COL5A3: variants seen among roughly 807,000 people sequenced by gnomAD.
COL5A3 encodes the protein collagen type V alpha 3 chain.
A neutral mutation model predicts 250.0 loss-of-function variants in COL5A3; 172 were observed. The observed-to-expected ratio is 0.69, with a 90% confidence interval of 0.61 to 0.78. COL5A3 has a LOEUF of 0.78. COL5A3 is among the 30% of genes least tolerant of loss of function. The pLI is 0.00. For synonymous variants in COL5A3, 937 were observed against 900.4 expected, an observed-to-expected ratio of 1.04 and a Z score of -0.73; for missense variants, 2,340 against 2,334.4, an observed-to-expected ratio of 1.00 and a Z score of -0.05.
At chr19:9,965,536 C>T (rs905902636) in intron 64 of COL5A3, among the ~76,000 whole-genome samples, 6 of 151,112 alleles carry the variant, frequency 4.0e-5, no homozygotes, top group African/African-American at 1.2e-4. Context: ...TCATTGCAAC[C>T]TCCGTCTCCC....
chr19:9,971,068 G>A, intron 52 of COL5A3, 40 bp from the exon 53 acceptor site: 5 of 1,485,984 alleles, frequency 3.4e-6, no homozygotes, highest in Non-Finnish European at 4.5e-6. Flanking sequence ...GGTGATGAGG[G>A]TACGTGAGAA....
rs371671435 is a variant in COL5A3, at chr19:9,999,006, TTTTC to T, written c.1111-861_1111-858del. 2.2e-3 allele frequency among the ~76,000 whole-genome samples: 280 copies of T among 129,208 alleles called. 1 individual carries two copies. The highest frequency in any genetic ancestry group is 3.1e-3 in the East Asian group (15 of 4,908). 84.8% of individuals were successfully genotyped at this position (129,208 alleles called of 152,430 possible). A position where few individuals can be genotyped will look rare whatever the true frequency, so the allele number is the denominator to read the frequency against. On this transcript the variant is annotated intron_variant, in intron 8 of 66. Coordinates refer to ENST00000264828, the MANE Select transcript of COL5A3 (RefSeq NM_015719.4). The stretch of plus-strand genomic sequence containing the variant: ...GCTCCTTCCTTCCTTCCTTTCTTTC[TTTTC>T]TTTCTTTCTTTCTTTCTCTTTCTTT...
rs1042157749 is a variant in COL5A3, at chr19:9,967,460, TAC to T, written c.4405-62_4405-61del. On this transcript the variant is annotated intron_variant, in intron 61 of 66. Transcript: ENST00000264828. ...TCTATGGAGACCCTTCCCACCAACATACACACAAACACACACACACACTCACA... is the reference window on the plus strand; with the variant it reads ...TCTATGGAGACCCTTCCCACCAACATACACAAACACACACACACACTCACA... 19 of 1,214,030 alleles carry T rather than the reference TAC, an allele frequency of 1.6e-5. No individual in the cohort carries two copies. The African/African-American group carries it at 2.2e-4, about 14-fold the overall frequency. The allele number at this position is 1,214,030 out of a possible 1,614,324, so 75.2% of individuals were successfully genotyped here.
At chr19:9,989,064 G>T in intron 27 of COL5A3, 60 bp downstream of exon 27, 1 of 1,538,362 alleles carries the variant, frequency 6.5e-7, no homozygotes, top group Non-Finnish European at 9.0e-7. Flanking sequence ...TGATGGAGCT[G>T]CATCGCATGC....
Position 9,980,437 on chromosome 19 carries a change from C to T in COL5A3, c.2604+211G>A, listed in dbSNP as rs534674137. Reference sequence around the variant, plus strand: ...GGAGTGCAGTGGTGTGATTAGCTCACTTCAGCTTCCAACTCCTGGGCTCAA... The same window carrying T: ...GGAGTGCAGTGGTGTGATTAGCTCATTTCAGCTTCCAACTCCTGGGCTCAA... On this transcript the variant is annotated intron_variant, in intron 35 of 66. Transcript: ENST00000264828. Among the ~76,000 whole-genome samples the T allele has an allele frequency of 1.6e-4, 24 of 152,264 alleles. 1 individual carries two copies. The South Asian group carries it at 4.8e-3, about 30-fold the overall frequency.
At position 10,005,540 on chromosome 19, in the gene COL5A3, C is replaced by G; in HGVS notation, c.594+18G>C. 6.2e-7 allele frequency: 1 copy of G among 1,612,888 alleles called. No individual in the cohort carries two copies. The highest frequency in any genetic ancestry group is 1.3e-5 in the African/African-American group (1 of 75,032). On this transcript the variant is annotated intron_variant, in intron 4 of 66. Coordinates refer to ENST00000264828, the MANE Select transcript of COL5A3 (RefSeq NM_015719.4). ...ATCCCACCCTCTGCCTCAGTTTCCCCCATCACTGAACTCCTACCTCGAAAG... is the reference window on the plus strand; with the variant it reads ...ATCCCACCCTCTGCCTCAGTTTCCCGCATCACTGAACTCCTACCTCGAAAG...
At chr19:9,988,855 A>AAAAAAAAAAAGAGAGAGAGAAAG (rs1269531312) in intron 27 of COL5A3, among the ~76,000 whole-genome samples, 23 of 104,706 alleles carry the variant, frequency 2.2e-4, no homozygotes, top group African/African-American at 9.0e-4. Flanking sequence ...AAAAAAAAAA[A>AAAAAAAAAAAGAGAGAGAGAAAG]AAAGAAAGTA....
intron 30 of COL5A3, 142 bp from the exon 31 acceptor site, chr19:9,986,037 T>C: frequency 2.6e-6 from 2 of 762,980 alleles, no homozygotes; most frequent in African/African-American, 1.7e-5. Context: ...TCCTGCCTGC[T>C]AGGGGCATGT....
At chr19:9,964,629 A>G (rs1408553255) in intron 64 of COL5A3, among the ~76,000 whole-genome samples, 1 of 151,900 alleles carries the variant, frequency 6.6e-6, no homozygotes, top group African/African-American at 2.4e-5. Flanking sequence ...TAACAATAAC[A>G]ATAAATATTA....
At chr19:9,970,079 T>G (rs1002073835) in intron 54 of COL5A3, among the ~76,000 whole-genome samples, 157 bp from the exon 55 acceptor site, 6 of 16,902 alleles carry the variant, frequency 3.5e-4, no homozygotes, top group Admixed American at 4.7e-4. Flanking sequence ...GGGCTGTGGG[T>G]GAGTGGGGGC....
intron 27 of COL5A3, 46 bp from the exon 28 acceptor site, chr19:9,986,804 G>A: frequency 1.2e-6 from 2 of 1,606,438 alleles, no homozygotes; most frequent in Admixed American, 1.7e-5. Context: ...CCCTGCTTAA[G>A]AAGTGACCCA....
At chr19:9,986,200 GAC>G (rs2087097384) in intron 30 of COL5A3, 113 bp downstream of exon 30, 2 of 716,846 alleles carry the variant, frequency 2.8e-6, no homozygotes, top group East Asian at 5.2e-5. Flanking sequence ...AATTAAAGAT[GAC>G]AAGGTTGGTA....
chr19:9,989,270 C>T, intron 26 of COL5A3, 52 bp downstream of exon 26: 1 of 1,612,516 alleles, frequency 6.2e-7, no homozygotes. Context: ...TGACTGCAGG[C>T]CCTGCCTCCC....
At position 9,960,735 on chromosome 19, in the gene COL5A3, G is replaced by A. The variant is rs776388393; in HGVS notation, c.5007C>T (p.Ala1669=). 6.2e-7 allele frequency: 1 copy of A among 1,614,096 alleles called. No individual in the cohort carries two copies. The highest frequency in any genetic ancestry group is 8.5e-7 in the Non-Finnish European group (1 of 1,180,038). The change falls in exon 66 of 67, where the codon GCC becomes GCT. Residue 1669 remains alanine (A), a synonymous_variant. Transcript: ENST00000264828. ...DEATGDYSHS[A]RFLGTNGEEL... is the part of the protein sequence containing the mutation. ...CCTCTCCATTGGTGCCAAGGAAGCG[G>A]GCGGAGTGGCTGTAGTCACCCGTGG...
intron 37 of COL5A3, among the ~76,000 whole-genome samples, 176 bp downstream of exon 37, chr19:9,979,663 G>A (rs1034072736): frequency 6.6e-6 from 1 of 152,032 alleles, no homozygotes; most frequent in East Asian, 1.9e-4. Flanking sequence ...GGTGGCACGC[G>A]CCTGTAGTGC....
At chr19:9,975,847 A>G (rs1192323108) in intron 45 of COL5A3, among the ~76,000 whole-genome samples, 78 of 103,250 alleles carry the variant, frequency 7.6e-4, no homozygotes, top group East Asian at 1.3e-3. Context: ...GACAAATTCT[A>G]GGGTTGAGTT....
Position 9,986,568 on chromosome 19 carries a change from C to T in COL5A3, c.2229G>A (p.Gly743=). Residue 743 remains glycine (G), a synonymous_variant, in exon 29 of 67, where the codon GGG becomes GGA. Transcript: ENST00000264828. ...CTGGTCTTACCTGATCACCTTTGAG[C>T]CCCACATCGCCCTTGAAGCCTGGGA... ...DGFPGFKGDV[G]LKGDQGKPGA... is the part of the protein sequence containing the mutation. 1 of 1,613,874 alleles carries T rather than the reference C, an allele frequency of 6.2e-7. No homozygotes were observed. Among genetic ancestry groups the T allele is most frequent in the Non-Finnish European group, 8.5e-7 (1 of 1,180,006 alleles).
chr19:9,997,956 G>C, intron 10 of COL5A3, 28 bp downstream of exon 10: 1 of 1,613,470 alleles, frequency 6.2e-7, no homozygotes, highest in Admixed American at 1.7e-5. Context: ...GGGAAAGACT[G>C]GAAGAAGGAA....
chr19:9,993,645 C>A lies in COL5A3; in HGVS notation c.1669G>T (p.Gly557Trp), dbSNP rs1336189513. The A allele has an allele frequency of 2.5e-6, 4 of 1,614,058 alleles. No individual in the cohort carries two copies. In the South Asian group the frequency reaches 3.3e-5, roughly 13 times the overall value. Reference protein sequence around the residue: ...KGDRGFDGLPGLPGEKGQRGD... With the variant: ...KGDRGFDGLPWLPGEKGQRGD... ...CTTTGGCCCTTCTCACCAGGCAGCC[C>A]AGGGAGGCCATCGAAGCCACGATCA... The change falls in exon 18 of 67, where the codon GGG becomes TGG. Residue 557 changes from glycine to tryptophan, a missense_variant. Physicochemically the swap from Gly to Trp is radical, Grantham distance 184. Coordinates refer to ENST00000264828, the MANE Select transcript of COL5A3 (RefSeq NM_015719.4).
Sources: allele counts gnomAD v4.1 joint callset (sites outside exome capture counted in the v4.1 genomes callset), GRCh38; gene constraint gnomAD v4.1.1; transcripts MANE v1.5; gene names NCBI Gene and HGNC (gene_info 2026-07-23, HGNC 2026-07-21).